The following ZBTB7C variants were observed in gnomAD, a reference collection of about 807,000 sequenced individuals.
The protein encoded by ZBTB7C is zinc finger and BTB domain containing 7C, also known as zinc finger and BTB domain-containing protein 7C.
In ZBTB7C, 8 loss-of-function variants were observed where a neutral mutation model predicts 25.7. The observed-to-expected ratio is 0.31, with a 90% CI of 0.18 to 0.56. The LOEUF (loss-of-function observed/expected upper bound fraction) is 0.56. Ranked by LOEUF, ZBTB7C falls within the 20% of genes least tolerant of loss-of-function variation. ZBTB7C has a pLI of 0.91. For synonymous variants in ZBTB7C, 394 were observed against 369.0 expected (o/e 1.07, Z -0.78); for missense variants, 824 against 855.2 (o/e 0.96, Z 0.46).
At chr18:48,227,687 A>G (rs1373278634) in intron 2 of ZBTB7C, among the ~76,000 whole-genome samples, 1 of 152,224 alleles carries the variant, frequency 6.6e-6, no homozygotes, top group Non-Finnish European at 1.5e-5. Context: ...AGCCTGTTTT[A>G]CCAAACCCTG....
chr18:48,224,459 C>T (rs996881552), intron 2 of ZBTB7C, among the ~76,000 whole-genome samples: 1 of 152,142 alleles, frequency 6.6e-6, no homozygotes, highest in African/African-American at 2.4e-5. Flanking sequence ...GAGAGAGTTC[C>T]CTCCACTGAG....
Position 48,040,153 on chromosome 18 carries a change from C to T in ZBTB7C, c.955G>A (p.Gly319Arg), listed in dbSNP as rs755482682. The T allele has an allele frequency of 4.4e-6, 7 of 1,579,318 alleles. No homozygotes were observed. Among genetic ancestry groups the T allele is most frequent in the South Asian group, 2.4e-5 (2 of 84,614 alleles). Residue 319 changes from glycine (G) to arginine (R), a missense_variant, in exon 4 of 5, where the codon GGG (glycine) becomes AGG (arginine). Physicochemically the swap from Gly to Arg is moderately radical, Grantham distance 125. This residue lies in a region of ZBTB7C where 316 missense variants were observed against 299.2 expected (regional missense o/e 1.06). Transcript: ENST00000590800. ...FFKDMFPDLP[G>R]GPLGPIKAEN... The stretch of plus-strand genomic sequence containing the variant: ...GCCTTGATGGGTCCCAGAGGCCCCC[C>T]CGGCAGGTCAGGGAACATGTCCTTG...
chr18:48,277,151 C>T (rs2044684307), intron 2 of ZBTB7C, among the ~76,000 whole-genome samples: 1 of 140,968 alleles, frequency 7.1e-6, no homozygotes. Flanking sequence ...CAAATGGGAT[C>T]TAATTAAACT....
chr18:48,165,169 G>C, intron 3 of ZBTB7C: 1 of 1,275,944 alleles, frequency 7.8e-7, no homozygotes, highest in Non-Finnish European at 1.0e-6. Context: ...TTGCAGTCCA[G>C]GAAGGGGAGG....
chr18:48,243,505 C>T (rs12961887), intron 2 of ZBTB7C, among the ~76,000 whole-genome samples: 1 of 152,078 alleles, frequency 6.6e-6, no homozygotes, highest in African/African-American at 2.4e-5. Context: ...CTACAAAACA[C>T]TGCTGAAAGA....
intron 2 of ZBTB7C, among the ~76,000 whole-genome samples, chr18:48,284,641 A>T (rs1215162029): frequency 6.6e-6 from 1 of 152,010 alleles, no homozygotes; most frequent in East Asian, 1.9e-4. Flanking sequence ...TAAAAATACA[A>T]AAAGCTGGGT....
Position 48,029,321 on chromosome 18 carries a change from G to A in ZBTB7C, c.1799C>T (p.Ala600Val). 5 of 1,537,754 alleles carry A rather than the reference G, an allele frequency of 3.3e-6. No homozygotes were observed. Among genetic ancestry groups the A allele is most frequent in the Admixed American group, 1.9e-5 (1 of 51,434 alleles). ...GAGGCCGGCGAGCCCAGGGAGGCCG[G>A]CCAGGCCGGCGGCCCAAGGGTCGGG... ...PLPDPWAAGL[A>V]GLPGLAGLNH... Residue 600 changes from alanine to valine, a missense_variant, in exon 5 of 5, where the codon GCC becomes GTC. Around this residue, in one of 4 missense-constraint regions of ZBTB7C, gnomAD observed 342 missense variants for 307.0 expected, o/e 1.11. Coordinates refer to ENST00000590800, the MANE Select transcript of ZBTB7C (RefSeq NM_001318841.2).
intron 2 of ZBTB7C, among the ~76,000 whole-genome samples, chr18:48,253,893 T>C (rs975865865): frequency 2.0e-5 from 3 of 152,216 alleles, no homozygotes; most frequent in Admixed American, 2.0e-4. Flanking sequence ...TAGCACTAGA[T>C]ACTGACCACA....
chr18:48,065,320 ATC>A (rs61539011), intron 3 of ZBTB7C, among the ~76,000 whole-genome samples: 2 of 151,296 alleles, frequency 1.3e-5, no homozygotes, highest in Admixed American at 6.6e-5. Flanking sequence ...TTCGCAATGA[ATC>A]TCTCTCTCTC....
Position 48,029,682 on chromosome 18 carries a change from C to A in ZBTB7C, c.1438G>T (p.Gly480Cys). The change falls in exon 5 of 5, where the codon GGC becomes TGC. Residue 480 changes from glycine (G) to cysteine (C), a missense_variant. By Grantham distance (159) the Gly-to-Cys change is radical (BLOSUM62 -3). Around this residue, in one of 4 missense-constraint regions of ZBTB7C, gnomAD observed 342 missense variants for 307.0 expected, o/e 1.11. Transcript: ENST00000590800. ...QSCRMARPRR[G>C]RKPAAWRAAS... ...GCCCTCCACGCAGCAGGCTTGCGGC[C>A]GCGTCGGGGCCGTGCCATGCGGCAG... 6.3e-7 allele frequency: 1 copy of A among 1,579,716 alleles called. No homozygotes were observed.
intron 3 of ZBTB7C, among the ~76,000 whole-genome samples, chr18:48,123,917 G>A (rs925693339): frequency 4.6e-5 from 7 of 151,964 alleles, no homozygotes; most frequent in South Asian, 2.1e-4. Context: ...TTTTATGTTC[G>A]ATGTTCAGCT....
intron 3 of ZBTB7C, among the ~76,000 whole-genome samples, chr18:48,070,195 T>C (rs1452017755): frequency 1.3e-5 from 2 of 152,198 alleles, no homozygotes; most frequent in Admixed American, 1.3e-4. Context: ...GTGCCGGGCA[T>C]TGCTAAACAC....
At chr18:48,370,689 T>C (rs1293568682) in intron 1 of ZBTB7C, among the ~76,000 whole-genome samples, 2 of 152,086 alleles carry the variant, frequency 1.3e-5, no homozygotes, top group Non-Finnish European at 1.5e-5. Context: ...GATGTGTCGA[T>C]CAAGGTAACA....
intron 2 of ZBTB7C, among the ~76,000 whole-genome samples, chr18:48,333,460 C>T (rs928443987): frequency 4.6e-5 from 7 of 152,176 alleles, no homozygotes; most frequent in African/African-American, 7.2e-5. Flanking sequence ...GCAGTACAGA[C>T]TCTCATGCCC....
intron 1 of ZBTB7C, among the ~76,000 whole-genome samples, chr18:48,362,378 T>G (rs2145106856): frequency 6.6e-6 from 1 of 152,358 alleles, no homozygotes; most frequent in East Asian, 1.9e-4. Context: ...AGGTGGGGCC[T>G]TTGGGAGGTG....
chr18:48,175,557 T>C (rs537662509), intron 3 of ZBTB7C, among the ~76,000 whole-genome samples: 27 of 152,324 alleles, frequency 1.8e-4, no homozygotes, highest in African/African-American at 6.5e-4. Context: ...TATGGATGCA[T>C]GTATTTCCTA....
rs753734305 is a variant in ZBTB7C at position 48,212,184 on chromosome 18, G to A, written c.-78-26189C>T. Among the ~76,000 whole-genome samples, 42 of 152,192 alleles carry A rather than the reference G, an allele frequency of 2.8e-4. 1 individual carries two copies. Among genetic ancestry groups the A allele is most frequent in the African/African-American group, 7.7e-4 (32 of 41,480 alleles). On this transcript the variant is annotated intron_variant, in intron 2 of 4. Transcript: ENST00000590800. ...AGCCTGGGCAACAGAGCAAGACCCC[G>A]TCTCTACAAATAATTAAAAACATAT...
At chr18:48,255,047 G>T (rs1049301221) in intron 2 of ZBTB7C, among the ~76,000 whole-genome samples, 76 of 152,202 alleles carry the variant, frequency 5.0e-4, no homozygotes, top group African/African-American at 1.7e-3. Context: ...TATAAGCAAG[G>T]TCCAACAGGG....
chr18:48,155,982 A>G (rs893202598), intron 3 of ZBTB7C, among the ~76,000 whole-genome samples: 2 of 152,182 alleles, frequency 1.3e-5, no homozygotes, highest in African/African-American at 4.8e-5. Flanking sequence ...TTATGGAAGG[A>G]GGGTGTGCCT....
Sources: allele counts gnomAD v4.1 joint callset (sites outside exome capture counted in the v4.1 genomes callset), GRCh38; gene constraint gnomAD v4.1.1; regional missense constraint gnomAD v4.1.1; transcripts MANE v1.5; gene names NCBI Gene and HGNC (gene_info 2026-07-23, HGNC 2026-07-21).